The following RGS6 variants were observed in gnomAD, a reference collection of about 807,000 sequenced individuals.
RGS6 encodes regulator of G-protein signaling 6.
RGS6 carries 30 observed loss-of-function variants against 78.5 expected under a neutral mutation model. The ratio of observed to expected loss-of-function variants is 0.38; its 90% CI spans 0.29 to 0.52. The LOEUF (loss-of-function observed/expected upper bound fraction) is 0.52. Ranked by LOEUF, RGS6 falls within the 20% of genes least tolerant of loss-of-function variation. The pLI, the probability that RGS6 is intolerant of heterozygous loss-of-function variation, is 0.85. For synonymous variants in RGS6, 206 were observed against 206.0 expected (o/e 1.00, Z 0.00); for missense variants, 495 against 609.7 (o/e 0.81, Z 1.98).
chr14:72,628,850 A>G, the RGS6 span, among the ~76,000 whole-genome samples: 108 of 152,368 alleles, frequency 7.1e-4, no homozygotes, highest in African/African-American at 2.4e-3. Context: ...TGATTTCTTC[A>G]ACAAAGAATT....
chr14:71,907,998 A>G, the RGS6 span, among the ~76,000 whole-genome samples: 1 of 152,232 alleles, frequency 6.6e-6, no homozygotes. Context: ...CTTCAGGATG[A>G]GCAGGCACTG....
intron 13 of RGS6, among the ~76,000 whole-genome samples, chr14:72,501,806 T>G (rs1437266112): frequency 6.6e-6 from 1 of 152,238 alleles, no homozygotes; most frequent in African/African-American, 2.4e-5. Context: ...ATCAGGCACA[T>G]GAGCAAAGAG....
the RGS6 span, among the ~76,000 whole-genome samples, chr14:72,618,909 A>C: frequency 2.6e-5 from 4 of 152,184 alleles, no homozygotes; most frequent in African/African-American, 9.7e-5. Context: ...GATTTCTTGG[A>C]ACACAATAGA....
chr14:71,945,861 G>T (rs185959112), intron 1 of RGS6, among the ~76,000 whole-genome samples: 1 of 152,042 alleles, frequency 6.6e-6, no homozygotes, highest in Non-Finnish European at 1.5e-5. Flanking sequence ...TATCTACACT[G>T]CCCAATCCAA....
intron 2 of RGS6, among the ~76,000 whole-genome samples, chr14:72,333,558 A>G (rs1383690726): frequency 6.6e-6 from 1 of 152,200 alleles, no homozygotes; most frequent in Non-Finnish European, 1.5e-5. Context: ...CTCGGTTGGC[A>G]CTTTCCGCTG....
chr14:71,976,742 A>G (rs2153098053), intron 2 of RGS6, among the ~76,000 whole-genome samples: 1 of 152,142 alleles, frequency 6.6e-6, no homozygotes, highest in Non-Finnish European at 1.5e-5. Context: ...GTGTCTTTAT[A>G]GCAGCATGAT....
intron 11 of RGS6, 170 bp downstream of exon 11, chr14:72,477,010 A>G: frequency 1.7e-6 from 1 of 594,098 alleles, no homozygotes. Context: ...AAGCCACGGA[A>G]GCTTGAGAGA....
intron 17 of RGS6, among the ~76,000 whole-genome samples, chr14:72,557,132 C>A (rs957698014): frequency 6.6e-6 from 1 of 152,230 alleles, no homozygotes; most frequent in Non-Finnish European, 1.5e-5. Context: ...TGTGGAGGAA[C>A]CATAACGGGT....
chr14:72,301,943 T>C (rs1212246728), intron 2 of RGS6, among the ~76,000 whole-genome samples: 2 of 152,158 alleles, frequency 1.3e-5, no homozygotes, highest in African/African-American at 4.8e-5. Flanking sequence ...GGGACTTCAA[T>C]ATATGAATTT....
intron 13 of RGS6, among the ~76,000 whole-genome samples, chr14:72,501,870 C>G (rs1291080472): frequency 1.3e-5 from 2 of 152,212 alleles, no homozygotes; most frequent in African/African-American, 2.4e-5. Flanking sequence ...TCCCAGCCAA[C>G]CTGACCTGCT....
chr14:71,963,917 CT>C (rs948590389), intron 1 of RGS6, among the ~76,000 whole-genome samples: 1 of 152,082 alleles, frequency 6.6e-6, no homozygotes, highest in East Asian at 1.9e-4. Context: ...CTGTGTTCAA[CT>C]TTTTTGAGGA....
chr14:72,064,907 C>T (rs78646848), intron 2 of RGS6, among the ~76,000 whole-genome samples: 1,703 of 152,168 alleles, frequency 0.011, 16 homozygotes, highest in Non-Finnish European at 0.017. Flanking sequence ...CATGTGGCAA[C>T]GGTAAAATGT....
At chr14:72,586,922 C>A in the RGS6 span, among the ~76,000 whole-genome samples, 1 of 152,072 alleles carries the variant, frequency 6.6e-6, no homozygotes, top group Middle Eastern at 3.4e-3. Flanking sequence ...GTAATATTAC[C>A]TGAATATTTA....
chr14:72,473,839 G>A (rs2096159454), intron 9 of RGS6: 1 of 152,084 alleles, frequency 6.6e-6, no homozygotes, highest in South Asian at 2.1e-4. Flanking sequence ...TTAAACTCAT[G>A]GCCAACAGCA....
the RGS6 span, among the ~76,000 whole-genome samples, chr14:71,894,210 C>T: frequency 2.6e-5 from 4 of 152,106 alleles, no homozygotes; most frequent in African/African-American, 9.7e-5. Flanking sequence ...GGGCTGCCTT[C>T]TCAGAAAGTC....
the RGS6 span, among the ~76,000 whole-genome samples, chr14:72,613,350 G>A: frequency 6.6e-6 from 1 of 152,154 alleles, no homozygotes; most frequent in African/African-American, 2.4e-5. Context: ...TGGGCTAGAG[G>A]TCATGATAAG....
intron 2 of RGS6, among the ~76,000 whole-genome samples, chr14:72,050,502 T>C (rs993125272): frequency 6.6e-6 from 1 of 152,224 alleles, no homozygotes; most frequent in African/African-American, 2.4e-5. Flanking sequence ...TGTTTTCTTC[T>C]GTTTCATAGT....
intron 3 of RGS6, among the ~76,000 whole-genome samples, chr14:72,401,495 T>C (rs1337899286): frequency 6.6e-6 from 1 of 151,912 alleles, no homozygotes; most frequent in Non-Finnish European, 1.5e-5. Flanking sequence ...TGATTTTATA[T>C]GTGTGAGATG....
chr14:72,177,600 T>C (rs1194769101), intron 2 of RGS6, among the ~76,000 whole-genome samples: 1 of 152,216 alleles, frequency 6.6e-6, no homozygotes, highest in African/African-American at 2.4e-5. Context: ...GGAAAGATTT[T>C]TGGTCTGCTT....
Sources: allele counts gnomAD v4.1 joint callset (sites outside exome capture counted in the v4.1 genomes callset), GRCh38; gene constraint gnomAD v4.1.1; transcripts MANE v1.5; gene names NCBI Gene and HGNC (gene_info 2026-07-23, HGNC 2026-07-21).